The following GLIS3 variants were observed in gnomAD, a reference collection of about 807,000 sequenced individuals.
GLIS3 encodes the protein GLIS family zinc finger 3, also known as zinc finger protein GLIS3.
Under a neutral mutation model 78.6 loss-of-function variants are expected in GLIS3, and 53 were observed. The observed-to-expected ratio is 0.67, with a 90% CI of 0.54 to 0.85. GLIS3 has a LOEUF of 0.85. Among genes scored for constraint, GLIS3 ranks in the 40% least tolerant of loss-of-function variants. The pLI is 0.00. For missense variants in GLIS3, 1,703 were observed against 1,231.1 expected, an observed-to-expected ratio of 1.38 and a Z score of -5.74; for synonymous variants, 684 against 509.9, an observed-to-expected ratio of 1.34 and a Z score of -4.60.
chr9:4,190,422 A>C (rs1353361230), intron 2 of GLIS3, among the ~76,000 whole-genome samples: 1 of 150,116 alleles, frequency 6.7e-6, no homozygotes, highest in Non-Finnish European at 1.5e-5. Context: ...AACTGGAAGA[A>C]AGGGTATCAG....
chr9:4,378,255 A>T, the GLIS3 span, among the ~76,000 whole-genome samples: 16,352 of 152,182 alleles, frequency 0.11, 1,704 homozygotes, highest in African/African-American at 0.28. Flanking sequence ...TTTAGAAAAT[A>T]AAATTACATA....
the GLIS3 span, among the ~76,000 whole-genome samples, chr9:4,390,976 C>G: frequency 2.0e-5 from 3 of 152,320 alleles, no homozygotes; most frequent in Middle Eastern, 3.4e-3. Context: ...GAGAAAGTAT[C>G]TCCACAAAGG....
chr9:4,093,983 T>G (rs1440768349), intron 4 of GLIS3, among the ~76,000 whole-genome samples: 1 of 152,144 alleles, frequency 6.6e-6, no homozygotes, highest in African/African-American at 2.4e-5. Context: ...TTCTTAAGAG[T>G]GATTCATTGC....
chr9:4,233,523 G>A (rs1822456863), intron 2 of GLIS3, among the ~76,000 whole-genome samples: 1 of 152,142 alleles, frequency 6.6e-6, no homozygotes, highest in Non-Finnish European at 1.5e-5. Context: ...TCTCAACAGA[G>A]GACTTAAAAT....
intron 2 of GLIS3, among the ~76,000 whole-genome samples, chr9:4,259,244 CA>C (rs374766092): frequency 0.85 from 128,368 of 151,310 alleles, 54,650 homozygotes; most frequent in East Asian, 0.98. Context: ...TTGCTCATTT[CA>C]TTTATTTATT....
intron 2 of GLIS3, among the ~76,000 whole-genome samples, chr9:4,237,068 A>G (rs941113614): frequency 1.4e-5 from 2 of 144,404 alleles, no homozygotes; most frequent in African/African-American, 4.9e-5. Flanking sequence ...TGTTTTAGAA[A>G]GCAATTTAGC....
intron 4 of GLIS3, among the ~76,000 whole-genome samples, chr9:3,943,348 A>G (rs1384358265): frequency 1.3e-5 from 2 of 152,254 alleles, no homozygotes; most frequent in African/African-American, 2.4e-5. Flanking sequence ...TGTTGGGACT[A>G]ATAACTCCAC....
intron 4 of GLIS3, among the ~76,000 whole-genome samples, chr9:4,047,008 G>T (rs1563983323): frequency 1.3e-5 from 2 of 152,126 alleles, no homozygotes; most frequent in South Asian, 4.1e-4. Context: ...TTCAAAATGG[G>T]TTGCTGAGTT....
chr9:3,824,302 A>G lies in GLIS3; in HGVS notation c.*3970T>C, dbSNP rs1817610521. On this transcript the variant is annotated 3_prime_UTR_variant, in exon 11 of 11. Transcript: ENST00000381971. ...GGCCCAAAGCAATGCAGCATTTTAA[A>G]GCTGGACTTGAACATTCCCTCCCGC... 1 of 152,666 alleles carries G rather than the reference A, an allele frequency of 6.6e-6. No individual in the cohort carries two copies. The highest frequency in any genetic ancestry group is 2.4e-5 in the African/African-American group (1 of 41,452). 9.5% of individuals were successfully genotyped at this position (152,666 alleles called of 1,614,324 possible). A position where few individuals can be genotyped will look rare whatever the true frequency, so the allele number is the denominator to read the frequency against.
the GLIS3 span, among the ~76,000 whole-genome samples, chr9:4,460,358 C>T: frequency 6.6e-6 from 1 of 152,148 alleles, no homozygotes; most frequent in Non-Finnish European, 1.5e-5. Flanking sequence ...TCAGATTGAA[C>T]AAGAAAATGT....
chr9:4,329,745 G>A (rs1259248364), intron 2 of GLIS3, among the ~76,000 whole-genome samples: 1 of 152,058 alleles, frequency 6.6e-6, no homozygotes, highest in African/African-American at 2.4e-5. Flanking sequence ...TCTACCCAGT[G>A]TTTAAATACC....
At chr9:4,186,217 C>A (rs1465801697) in intron 2 of GLIS3, among the ~76,000 whole-genome samples, 1 of 142,832 alleles carries the variant, frequency 7.0e-6, no homozygotes, top group Non-Finnish European at 1.5e-5. Flanking sequence ...TCTCATTGTT[C>A]AATTCTCACC....
At chr9:4,148,197 G>C (rs1834375300) in intron 2 of GLIS3, among the ~76,000 whole-genome samples, 1 of 152,036 alleles carries the variant, frequency 6.6e-6, no homozygotes, top group Non-Finnish European at 1.5e-5. Context: ...AGCAAAAATA[G>C]CTTCAGGAAA....
intron 4 of GLIS3, among the ~76,000 whole-genome samples, chr9:4,057,881 C>T (rs1826279299): frequency 6.6e-6 from 1 of 152,116 alleles, no homozygotes; most frequent in Non-Finnish European, 1.5e-5. Flanking sequence ...CACGGCCTCG[C>T]TAAGAACCTT....
the GLIS3 span, among the ~76,000 whole-genome samples, chr9:4,435,810 G>C: frequency 1.3e-5 from 2 of 152,126 alleles, no homozygotes; most frequent in African/African-American, 4.8e-5. Flanking sequence ...TTAGCCGGGC[G>C]TGGTGGCAGG....
At chr9:4,432,860 C>A in the GLIS3 span, among the ~76,000 whole-genome samples, 1 of 151,938 alleles carries the variant, frequency 6.6e-6, no homozygotes, top group South Asian at 2.1e-4. Context: ...AGTCTGGTCT[C>A]GAACTCCTAA....
chr9:4,022,868 T>A (rs770889003), intron 4 of GLIS3, among the ~76,000 whole-genome samples: 1 of 152,118 alleles, frequency 6.6e-6, no homozygotes, highest in Non-Finnish European at 1.5e-5. Context: ...TGCAAACTAA[T>A]CTACAGTGAC....
At chr9:4,214,770 C>T (rs1820673700) in intron 2 of GLIS3, among the ~76,000 whole-genome samples, 1 of 152,184 alleles carries the variant, frequency 6.6e-6, no homozygotes, top group Admixed American at 6.5e-5. Context: ...TGGCTTGTTA[C>T]ACCATTGAGA....
intron 2 of GLIS3, among the ~76,000 whole-genome samples, chr9:4,327,440 T>C (rs1279487288): frequency 2.0e-5 from 3 of 152,066 alleles, no homozygotes; most frequent in East Asian, 1.9e-4. Context: ...GGTCCTGCAG[T>C]AGTCCAGGTG....
Sources: allele counts gnomAD v4.1 joint callset (sites outside exome capture counted in the v4.1 genomes callset), GRCh38; gene constraint gnomAD v4.1.1; transcripts MANE v1.5; gene names NCBI Gene and HGNC (gene_info 2026-07-23, HGNC 2026-07-21).